The following TMEM176B variants were observed in gnomAD, a reference collection of about 807,000 sequenced individuals.
The protein encoded by TMEM176B is LR8-like protein.
TMEM176B carries 28 observed loss-of-function variants against 30.3 expected under a neutral mutation model. That is an observed-to-expected ratio of 0.92 (90% CI 0.68 to 1.27). TMEM176B has a LOEUF of 1.27. TMEM176B is among the 50% of genes most tolerant of loss of function. The pLI, the probability that TMEM176B is intolerant of heterozygous loss-of-function variation, is 0.00. For missense variants in TMEM176B, 349 were observed against 327.4 expected (o/e 1.07, Z -0.51); for synonymous variants, 123 against 130.3 (o/e 0.94, Z 0.38).
Position 150,792,061 on chromosome 7 carries a change from G to C in TMEM176B, c.715C>G (p.Pro239Ala). The C allele has an allele frequency of 6.2e-7, 1 of 1,613,690 alleles. No individual in the cohort carries two copies. Among genetic ancestry groups the C allele is most frequent in the East Asian group, 2.2e-5 (1 of 44,852 alleles). The change falls in exon 6 of 7, where the codon CCC (proline) becomes GCC (alanine). Residue 239 changes from proline (P) to alanine (A), a missense_variant. Transcript: ENST00000326442. Reference sequence around the variant, plus strand: ...GCCCCTCCCCGACAACTCACCAGGGGCTGGGAGCTCTGGCCACACAAGTTT... The same window carrying C: ...GCCCCTCCCCGACAACTCACCAGGGCCTGGGAGCTCTGGCCACACAAGTTT... ...LRNLCGQSSQPLNEEGSEKRL... is the reference protein window; with the variant it reads ...LRNLCGQSSQALNEEGSEKRL...
At position 150,792,082 on chromosome 7, in the gene TMEM176B, A is replaced by C; in HGVS notation, c.694T>G (p.Leu232Val). ...AGGGGCTGGGAGCTCTGGCCACACA[A>C]GTTTCGAAGACCTACTCCCAAGGAA... is the stretch of plus-strand genomic sequence containing the variant. ...LVSLGVGLRN[L>V]CGQSSQPLNE... is the part of the protein sequence containing the mutation. Residue 232 changes from leucine to valine, a missense_variant, in exon 6 of 7, where the codon TTG becomes GTG. Physicochemically the swap from Leu to Val is conservative, Grantham distance 32 (BLOSUM62 1). Coordinates refer to ENST00000326442, the MANE Select transcript of TMEM176B (RefSeq NM_001101312.2). 1 of 1,613,930 alleles carries C rather than the reference A, an allele frequency of 6.2e-7. No homozygotes were observed.
intron 4 of TMEM176B, 113 bp downstream of exon 4, chr7:150,793,431 C>T (rs1334855802): frequency 2.0e-6 from 3 of 1,514,754 alleles, no homozygotes; most frequent in East Asian, 4.8e-5. Context: ...CCCTCTCCTC[C>T]CCTCCAAGAA....
chr7:150,791,833 G>A (rs540540805), intron 6 of TMEM176B, among the ~76,000 whole-genome samples: 8 of 152,026 alleles, frequency 5.3e-5, no homozygotes, highest in African/African-American at 1.9e-4. Context: ...GGAGATCAGA[G>A]CAGAGGAGGG....
chr7:150,792,992 G>T, intron 5 of TMEM176B, 96 bp downstream of exon 5: 1 of 1,221,498 alleles, frequency 8.2e-7, no homozygotes, highest in Non-Finnish European at 1.2e-6. Flanking sequence ...TGAAGTCCAA[G>T]CTCAAAGAGC....
Position 150,791,626 on chromosome 7 carries a change from G to A in TMEM176B, c.721-3C>T, listed in dbSNP as rs369876073. 54 of 1,610,176 alleles carry A rather than the reference G, an allele frequency of 3.4e-5. No homozygotes were observed. Among genetic ancestry groups the A allele is most frequent in the Non-Finnish European group, 4.3e-5 (51 of 1,178,772 alleles). On this transcript the variant is annotated splice_polypyrimidine_tract_variant and splice_region_variant and intron_variant, in intron 6 of 6. Coordinates refer to ENST00000326442, the MANE Select transcript of TMEM176B (RefSeq NM_001101312.2). ...CTCTTCTCTGATCCTTCCTCATTCT[G>A]GAAAAAAAAGAAAAAAGAAATCCTT...
At chr7:150,800,951 G>A (rs1346610493), upstream of TMEM176B, 3 of 985,962 alleles carry the variant, frequency 3.0e-6, no homozygotes, top group East Asian at 2.3e-4. Context: ...CCAGGAAGGG[G>A]ACTGCAGAGG....
rs763304389 is a variant in TMEM176B at position 150,793,156 on chromosome 7, A to G, written c.532T>C (p.Trp178Arg). 2.5e-5 allele frequency: 40 copies of G among 1,614,108 alleles called. No homozygotes were observed. Among genetic ancestry groups the G allele is most frequent in the South Asian group, 7.7e-5 (7 of 91,088 alleles). ...TGGTTCTCTTGACTTCGCCGCATCC[A>G]TCTGTACCCAGTGGTAGGGAAGACA... ...DPVFPTTGYR[W>R]MRRSQENQWQ... Residue 178 changes from tryptophan to arginine, a missense_variant, in exon 5 of 7, where the codon TGG becomes CGG. Transcript: ENST00000326442.
chr7:150,792,434 G>A (rs1275785363), intron 5 of TMEM176B, among the ~76,000 whole-genome samples: 4 of 152,204 alleles, frequency 2.6e-5, no homozygotes, highest in Admixed American at 2.0e-4. Context: ...CACAGTGAAA[G>A]TGACACTATA....
chr7:150,791,519 G>T lies in TMEM176B; in HGVS notation c.*12C>A, dbSNP rs1329189596. The stretch of plus-strand genomic sequence containing the variant: ...CAGGGACATGCGGGCACCCCGTGGG[G>T]TCTTTGGCAGCTCACAGGACAATGG... On this transcript the variant is annotated 3_prime_UTR_variant, in exon 7 of 7. Coordinates refer to ENST00000326442, the MANE Select transcript of TMEM176B (RefSeq NM_001101312.2). The T allele has an allele frequency of 6.2e-7, 1 of 1,612,320 alleles. No individual in the cohort carries two copies. Among genetic ancestry groups the T allele is most frequent in the Non-Finnish European group, 8.5e-7 (1 of 1,179,144 alleles).
At chr7:150,800,558 C>A (rs1798740724), upstream of TMEM176B, 1 of 152,354 alleles carries the variant, frequency 6.6e-6, no homozygotes, top group Admixed American at 6.5e-5. Flanking sequence ...CCGGCCCTGG[C>A]CGGGCGGGGC....
At chr7:150,799,659 C>G (rs991886780) in intron 1 of TMEM176B, among the ~76,000 whole-genome samples, 1 of 152,268 alleles carries the variant, frequency 6.6e-6, no homozygotes, top group Non-Finnish European at 1.5e-5. Flanking sequence ...ATTCCGCACA[C>G]GTACAAAGGA....
intron 4 of TMEM176B, 67 bp downstream of exon 4, chr7:150,793,477 C>T: frequency 1.9e-6 from 3 of 1,585,022 alleles, no homozygotes; most frequent in Non-Finnish European, 2.6e-6. Flanking sequence ...GGGCAGAAGA[C>T]AGATAATGGA....
chr7:150,797,959 T>C (rs905660726), intron 1 of TMEM176B, among the ~76,000 whole-genome samples: 7 of 152,206 alleles, frequency 4.6e-5, no homozygotes, highest in African/African-American at 1.7e-4. Flanking sequence ...ACGGAGGTGG[T>C]AGCAATTCAC....
rs1413957823 is a variant in TMEM176B at position 150,793,534 on chromosome 7, C to T, written c.372+10G>A. On this transcript the variant is annotated intron_variant, in intron 4 of 6. Transcript: ENST00000326442. ...GTGAACAAGGTGGAGAGAGGGTGTC[C>T]AAGACTCACAGCAAGTTTGCCCGGG... 1 of 1,612,752 alleles carries T rather than the reference C, an allele frequency of 6.2e-7. No homozygotes were observed. The highest frequency in any genetic ancestry group is 8.5e-7 in the Non-Finnish European group (1 of 1,179,436).
In TMEM176B at chr7:150,791,571, G is replaced by A. The variant is rs202023423; in HGVS notation, c.773C>T (p.Ser258Leu). Reference protein sequence around the residue: ...RLLGENSVPPSPSREQTSTAI... With the variant: ...RLLGENSVPPLPSREQTSTAI... Reference sequence around the variant, plus strand: ...AGTGGAGGTCTGCTCCCTAGAGGGCGAAGGGGGCACTGAATTCTCCCCCAG... The same window carrying A: ...AGTGGAGGTCTGCTCCCTAGAGGGCAAAGGGGGCACTGAATTCTCCCCCAG... The change falls in exon 7 of 7, where the codon TCG (serine) becomes TTG (leucine). Residue 258 changes from serine (S) to leucine (L), a missense_variant. By Grantham distance (145) the Ser-to-Leu change is moderately radical. Coordinates refer to ENST00000326442, the MANE Select transcript of TMEM176B (RefSeq NM_001101312.2). The A allele has an allele frequency of 2.4e-5, 39 of 1,614,046 alleles. No homozygotes were observed. The highest frequency in any genetic ancestry group is 1.8e-4 in the Admixed American group (11 of 60,026).
chr7:150,797,656 TC>T (rs970378237), intron 1 of TMEM176B, among the ~76,000 whole-genome samples: 8 of 152,210 alleles, frequency 5.3e-5, no homozygotes, highest in Non-Finnish European at 1.2e-4. Context: ...TGACTTTTGT[TC>T]CCAGGTTATT....
At chr7:150,797,708 A>AT (rs538463860) in intron 1 of TMEM176B, among the ~76,000 whole-genome samples, 21 of 149,830 alleles carry the variant, frequency 1.4e-4, no homozygotes, top group South Asian at 2.1e-4. Context: ...CCATTTTCAG[A>AT]TTTTTTTTTT....
At chr7:150,799,951 C>G (rs1233442886) in intron 1 of TMEM176B, 1 of 152,386 alleles carries the variant, frequency 6.6e-6, no homozygotes, top group Non-Finnish European at 1.5e-5. Context: ...CAGCTCTTCC[C>G]GTGCCCCGGG....
chr7:150,798,347 T>C (rs948033260), intron 1 of TMEM176B, among the ~76,000 whole-genome samples: 2 of 152,190 alleles, frequency 1.3e-5, no homozygotes, highest in Non-Finnish European at 2.9e-5. Flanking sequence ...GGTGGCGCGA[T>C]CTCGGCTCAC....
Sources: allele counts gnomAD v4.1 joint callset (sites outside exome capture counted in the v4.1 genomes callset), GRCh38; gene constraint gnomAD v4.1.1; transcripts MANE v1.5; gene names NCBI Gene and HGNC (gene_info 2026-07-23, HGNC 2026-07-21).